MYPN: variants seen among roughly 807,000 people sequenced by gnomAD.
MYPN encodes the protein sarcomeric protein myopalladin, 145 kDa (MYOP).
In MYPN, 63 loss-of-function variants were observed where a neutral mutation model predicts 129.4. The ratio of observed to expected loss-of-function variants is 0.49; its 90% confidence interval spans 0.40 to 0.60. The LOEUF is 0.60. Among genes scored for constraint, MYPN ranks in the 20% least tolerant of loss-of-function variants. The pLI, the probability that MYPN is intolerant of heterozygous loss-of-function variation, is 0.00. For missense variants in MYPN, 1,596 were observed against 1,635.4 expected (o/e 0.98, Z 0.42); for synonymous variants, 629 against 600.9 (o/e 1.05, Z -0.68).
At chr10:68,169,045 C>T (rs1257879893) in intron 10 of MYPN, among the ~76,000 whole-genome samples, 2 of 137,186 alleles carry the variant, frequency 1.5e-5, no homozygotes, top group African/African-American at 5.5e-5. Context: ...GATTTTATGG[C>T]TTGTAGAAGT....
At chr10:68,113,072 G>A (rs1198580563) in intron 1 of MYPN, among the ~76,000 whole-genome samples, 4 of 152,160 alleles carry the variant, frequency 2.6e-5, no homozygotes, top group Admixed American at 2.6e-4. Flanking sequence ...AGGGAGCAAA[G>A]TCTATTTTTT....
Position 68,090,212 on chromosome 10 carries a change from G to T in MYPN, c.-2+2220G>T, listed in dbSNP as rs535082808. On this transcript the variant is annotated intron_variant, in intron 1 of 6. Coordinates refer to the MYPN transcript ENST00000685154. ...AAGTCTCACTCTGTCACCCAGGTTG[G>T]AGTGCAGTGGCGCAATCTCAGCTCA... is the stretch of plus-strand genomic sequence containing the variant. Among the ~76,000 whole-genome samples the T allele has an allele frequency of 2.1e-4, 32 of 152,180 alleles. No individual in the cohort carries two copies. In the South Asian group the frequency reaches 3.9e-3, roughly 19 times the overall value.
intron 6 of MYPN, among the ~76,000 whole-genome samples, chr10:68,153,254 G>A (rs1241023848): frequency 6.6e-6 from 1 of 152,060 alleles, no homozygotes; most frequent in Non-Finnish European, 1.5e-5. Flanking sequence ...CAAAGTGTTG[G>A]GATTACAGGC....
rs1295157913 is a variant in MYPN, at chr10:68,121,783, T to C, written c.345T>C (p.Pro115=). The change falls in exon 2 of 20, where the codon CCT becomes CCC. Residue 115 remains proline, a synonymous_variant. Transcript: ENST00000358913. ...ACTCACCTAATTTAAGTTTTGAGCC[T>C]AACTTCTGCCAGGATAACCCTCGAA... is the stretch of plus-strand genomic sequence containing the variant. ...MKHSPNLSFE[P]NFCQDNPRSP... is the part of the protein sequence containing the mutation. 6.2e-7 allele frequency: 1 copy of C among 1,614,230 alleles called. No homozygotes were observed. The highest frequency in any genetic ancestry group is 8.5e-7 in the Non-Finnish European group (1 of 1,180,048).
intron 1 of MYPN, among the ~76,000 whole-genome samples, chr10:68,100,176 C>G (rs971460693): frequency 6.6e-6 from 1 of 152,044 alleles, no homozygotes; most frequent in Non-Finnish European, 1.5e-5. Flanking sequence ...GGATAATGAC[C>G]TATACTTCCT....
At chr10:68,096,425 G>A (rs2041956806) in intron 1 of MYPN, among the ~76,000 whole-genome samples, 1 of 152,146 alleles carries the variant, frequency 6.6e-6, no homozygotes, top group Admixed American at 6.6e-5. Context: ...AGCCGGGCAT[G>A]GTGGCAGCCG....
rs758119182 is a variant in MYPN, at chr10:68,210,291, T to C, written c.3799T>C (p.Trp1267Arg). 2 of 1,613,450 alleles carry C rather than the reference T, an allele frequency of 1.2e-6. No individual in the cohort carries two copies. Reference sequence around the variant, plus strand: ...TTATTTGGTCCATTTTCCAGCTCAGTGGCACCATCAGATCCCACCGCCCAT... The same window carrying C: ...TTATTTGGTCCATTTTCCAGCTCAGCGGCACCATCAGATCCCACCGCCCAT... ...CTARLDIYAQ[W>R]HHQIPPPMSV... Residue 1267 changes from tryptophan (W) to arginine (R), a missense_variant, in exon 20 of 20, where the codon TGG (tryptophan) becomes CGG (arginine). By Grantham distance (101) the Trp-to-Arg change is moderately radical. Coordinates refer to ENST00000358913, the MANE Select transcript of MYPN (RefSeq NM_032578.4).
chr10:68,101,562 T>C (rs913262755), upstream of MYPN, among the ~76,000 whole-genome samples: 2 of 152,242 alleles, frequency 1.3e-5, no homozygotes, highest in African/African-American at 4.8e-5. Context: ...CAACTTTCTT[T>C]AGGTTCATAG....
chr10:68,169,230 C>A (rs984221980), intron 10 of MYPN, among the ~76,000 whole-genome samples: 1 of 139,198 alleles, frequency 7.2e-6, no homozygotes, highest in Non-Finnish European at 1.5e-5. Context: ...TTGTGGCGGG[C>A]GCCTGTAGTC....
chr10:68,102,409 T>C (rs1490373440), upstream of MYPN, among the ~76,000 whole-genome samples: 4 of 152,226 alleles, frequency 2.6e-5, no homozygotes, highest in Admixed American at 6.5e-5. Context: ...ATTATGGCTG[T>C]GAGCCACTTC....
intron 6 of MYPN, chr10:68,158,131 T>G (rs1220804996): frequency 4.5e-6 from 1 of 221,940 alleles, no homozygotes; most frequent in East Asian, 1.1e-4. Context: ...ATGGCCAGAA[T>G]TAATTCAGCT....
intron 4 of MYPN, among the ~76,000 whole-genome samples, chr10:68,146,112 C>T (rs1399462816): frequency 6.7e-6 from 1 of 150,258 alleles, no homozygotes; most frequent in Non-Finnish European, 1.5e-5. Context: ...ACAAAACAAA[C>T]AGCAACATTT....
At chr10:68,116,378 T>C (rs1267373813) in intron 1 of MYPN, among the ~76,000 whole-genome samples, 4 of 152,234 alleles carry the variant, frequency 2.6e-5, no homozygotes, top group Non-Finnish European at 4.4e-5. Flanking sequence ...AAAGATAGAA[T>C]TGTTGTCCTA....
chr10:68,101,546 C>T (rs2041982054), upstream of MYPN, among the ~76,000 whole-genome samples: 1 of 152,148 alleles, frequency 6.6e-6, no homozygotes, highest in Non-Finnish European at 1.5e-5. Context: ...ATTAAGATTA[C>T]TACACCAACT....
chr10:68,121,601 G>A lies in MYPN; in HGVS notation c.163G>A (p.Gly55Arg), dbSNP rs2042243448. 3 of 1,614,196 alleles carry A rather than the reference G, an allele frequency of 1.9e-6. No individual in the cohort carries two copies. The highest frequency in any genetic ancestry group is 2.5e-6 in the Non-Finnish European group (3 of 1,180,048). The change falls in exon 2 of 20, where the codon GGA (glycine) becomes AGA (arginine). Residue 55 changes from glycine (G) to arginine (R), a missense_variant. Gly to Arg is a moderately radical substitution (Grantham distance 125). Transcript: ENST00000358913. ...GSPSGAAEGG[G>R]GQDDLPDLSA... Reference sequence around the variant, plus strand: ...TCCTTCTGGGGCCGCTGAAGGAGGCGGAGGCCAAGATGACCTTCCAGATCT... The same window carrying A: ...TCCTTCTGGGGCCGCTGAAGGAGGCAGAGGCCAAGATGACCTTCCAGATCT...
intron 2 of MYPN, among the ~76,000 whole-genome samples, chr10:68,134,932 A>G (rs1246547530): frequency 1.3e-5 from 2 of 152,062 alleles, no homozygotes; most frequent in Non-Finnish European, 2.9e-5. Flanking sequence ...GAAGAACTCA[A>G]TAAATTATTT....
chr10:68,201,440 A>G (rs1451264844), intron 17 of MYPN, among the ~76,000 whole-genome samples: 1 of 152,218 alleles, frequency 6.6e-6, no homozygotes, highest in Non-Finnish European at 1.5e-5. Context: ...ACTGTGAGGC[A>G]TGAACCTCAA....
In MYPN at chr10:68,122,125, A is replaced by T; in HGVS notation, c.687A>T (p.Glu229Asp). 6.2e-7 allele frequency: 1 copy of T among 1,614,022 alleles called. No individual in the cohort carries two copies. The highest frequency in any genetic ancestry group is 8.5e-7 in the Non-Finnish European group (1 of 1,179,892). ...ATAATGAAGTGAATCACGCCCTGGA[A>T]CAGCAGGAAGCCAAGAGGCGTGAAG... The part of the protein sequence containing the change: ...TRDNEVNHAL[E>D]QQEAKRREAE... The change falls in exon 2 of 20, where the codon GAA becomes GAT. Residue 229 changes from glutamate (E) to aspartate (D), a missense_variant. Coordinates refer to ENST00000358913, the MANE Select transcript of MYPN (RefSeq NM_032578.4).
At chr10:68,145,009 G>A (rs1245591257) in intron 3 of MYPN, among the ~76,000 whole-genome samples, 2 of 151,742 alleles carry the variant, frequency 1.3e-5, no homozygotes, top group African/African-American at 2.4e-5. Flanking sequence ...TTAGTGTAGT[G>A]AATCAATGAG....
Sources: allele counts gnomAD v4.1 joint callset (sites outside exome capture counted in the v4.1 genomes callset), GRCh38; gene constraint gnomAD v4.1.1; transcripts MANE v1.5; gene names NCBI Gene and HGNC (gene_info 2026-07-23, HGNC 2026-07-21).